The following POFUT4 variants were observed in gnomAD, a reference collection of about 807,000 sequenced individuals.
POFUT4 encodes the protein GDP-fucose protein O-fucosyltransferase 4.
the POFUT4 span, chr10:73,775,419 C>T: frequency 6.2e-7 from 1 of 1,610,426 alleles, no homozygotes. Flanking sequence ...CCTTTCACAG[C>T]AGTCTTGTCC....
chr10:73,772,626 G>A, the POFUT4 span: 1 of 1,559,428 alleles, frequency 6.4e-7, no homozygotes, highest in Non-Finnish European at 8.7e-7. Flanking sequence ...CGCATCGAGT[G>A]TGCGCGCGGC....
the POFUT4 span, chr10:73,773,869 T>C: frequency 2.7e-6 from 4 of 1,503,678 alleles, no homozygotes; most frequent in South Asian, 5.3e-5. Context: ...ACTTGCTTAC[T>C]GTGGGCAATT....
chr10:73,775,742 G>T, the POFUT4 span: 1 of 1,569,324 alleles, frequency 6.4e-7, no homozygotes, highest in Non-Finnish European at 8.7e-7. Flanking sequence ...TTCTACCATG[G>T]GACATAAGGA....
the POFUT4 span, chr10:73,772,695 T>C: frequency 6.4e-7 from 1 of 1,574,458 alleles, no homozygotes; most frequent in Non-Finnish European, 8.6e-7. Flanking sequence ...CGCGCGCTGC[T>C]CTTCTACGGC....
At chr10:73,773,638 G>A in the POFUT4 span, 1 of 1,614,234 alleles carries the variant, frequency 6.2e-7, no homozygotes, top group Non-Finnish European at 8.5e-7. Context: ...TACCTCAACG[G>A]CTTCGAGTGT....
At chr10:73,773,705 TC>T in the POFUT4 span, 2 of 1,614,244 alleles carry the variant, frequency 1.2e-6, no homozygotes, top group Non-Finnish European at 8.5e-7. Flanking sequence ...ACGCGGCCTC[TC>T]CCGGGGACAG....
chr10:73,775,978 CTTCT>C, the POFUT4 span: 1 of 380,346 alleles, frequency 2.6e-6, no homozygotes, highest in East Asian at 4.5e-5. Context: ...AAACTACTCA[CTTCT>C]TTATTTCATC....
chr10:73,773,830 G>T, the POFUT4 span: 1 of 1,534,862 alleles, frequency 6.5e-7, no homozygotes, highest in Non-Finnish European at 8.7e-7. Flanking sequence ...GAGTGCTGGG[G>T]TCCCCTGCAG....
the POFUT4 span, chr10:73,774,499 T>C: frequency 6.6e-6 from 1 of 152,008 alleles, no homozygotes; most frequent in Non-Finnish European, 1.5e-5. Flanking sequence ...ATATAATATA[T>C]TGACCAGCCT....
At chr10:73,778,909 TAGG>T in the POFUT4 span, 1 of 148,644 alleles carries the variant, frequency 6.7e-6, no homozygotes, top group Non-Finnish European at 1.5e-5. Context: ...GAGGCCAAGG[TAGG>T]AGGATCGCTT....
chr10:73,772,577 A>G, the POFUT4 span: 8 of 1,585,898 alleles, frequency 5.0e-6, no homozygotes, highest in Non-Finnish European at 6.0e-6. Context: ...GCTGTGGTGG[A>G]GCCCAGGGCT....
At chr10:73,773,889 TAGGTGCTGAGC>T in the POFUT4 span, 4 of 1,459,266 alleles carry the variant, frequency 2.7e-6, no homozygotes, top group South Asian at 5.4e-5. Context: ...TAAGTAGCAC[TAGGTGCTGAGC>T]AGGTGCAGGA....
chr10:73,773,529 T>C, the POFUT4 span: 2 of 1,614,122 alleles, frequency 1.2e-6, no homozygotes, highest in Admixed American at 1.7e-5. Context: ...GTATATGAAA[T>C]ACCTGGCATA....
At chr10:73,775,281 C>G in the POFUT4 span, 2 of 788,640 alleles carry the variant, frequency 2.5e-6, no homozygotes, top group South Asian at 1.6e-5. Context: ...TGAACCCCCT[C>G]CACATTTGGG....
At chr10:73,772,823 C>T in the POFUT4 span, 48 of 1,612,108 alleles carry the variant, frequency 3.0e-5, no homozygotes, top group Non-Finnish European at 3.7e-5. Context: ...GGGCATCCGC[C>T]TCTTCAATCT....
At chr10:73,772,280 A>G in the POFUT4 span, 7 of 1,356,504 alleles carry the variant, frequency 5.2e-6, no homozygotes, top group Non-Finnish European at 6.7e-6. Flanking sequence ...GGTCACGACT[A>G]TCCGCTGGGC....
the POFUT4 span, chr10:73,772,846 C>A: frequency 1.9e-6 from 3 of 1,612,376 alleles, no homozygotes; most frequent in Non-Finnish European, 2.5e-6. Context: ...CCTCCACCTT[C>A]AGTCGCCACT....
At chr10:73,773,421 TG>T in the POFUT4 span, 1 of 1,614,112 alleles carries the variant, frequency 6.2e-7, no homozygotes, top group African/African-American at 1.3e-5. Context: ...TGTGAGGGAC[TG>T]GATGCCGAAC....
the POFUT4 span, chr10:73,772,749 A>G: frequency 6.2e-7 from 1 of 1,603,530 alleles, no homozygotes; most frequent in Non-Finnish European, 8.5e-7. Flanking sequence ...CGCCTGGCGC[A>G]CCAGAGCTGG....
Sources: allele counts gnomAD v4.1 joint callset, GRCh38; gene constraint gnomAD v4.1.1; transcripts MANE v1.5; gene names NCBI Gene and HGNC (gene_info 2026-07-23, HGNC 2026-07-21).